Variants in EFCAB13 observed in about 807,000 individuals in gnomAD.
EFCAB13 encodes EF-hand calcium-binding domain-containing protein 13.
In EFCAB13, 91 loss-of-function variants were observed where a neutral mutation model predicts 110.2. The observed-to-expected ratio is 0.83, with a 90% CI of 0.70 to 0.98. EFCAB13 has a LOEUF of 0.98. EFCAB13 is among the 50% of genes least tolerant of loss of function. The probability of loss-of-function intolerance (pLI) is 0.00; values close to 1 mark genes in which losing one functional copy is unlikely to be tolerated. For synonymous variants in EFCAB13, 323 were observed against 369.9 expected, an observed-to-expected ratio of 0.87 and a Z score of 1.45; for missense variants, 968 against 1,119.4, an observed-to-expected ratio of 0.86 and a Z score of 1.93.
intron 23 of EFCAB13, among the ~76,000 whole-genome samples, chr17:47,419,635 T>TG (rs1204776167): frequency 6.6e-6 from 1 of 152,134 alleles, no homozygotes; most frequent in Admixed American, 6.5e-5. Flanking sequence ...CAAAAGATGT[T>TG]TACAAAATTA....
At chr17:47,439,183 T>G (rs201754106) in intron 24 of EFCAB13, among the ~76,000 whole-genome samples, 1 of 128,320 alleles carries the variant, frequency 7.8e-6, no homozygotes, top group Non-Finnish European at 1.7e-5. Flanking sequence ...TTTTTTTTTT[T>G]TTTTTTTTTT....
chr17:47,372,387 T>C (rs1426190871), intron 11 of EFCAB13, among the ~76,000 whole-genome samples: 1 of 152,182 alleles, frequency 6.6e-6, no homozygotes, highest in Non-Finnish European at 1.5e-5. Context: ...TTTATAATTT[T>C]TGATGTCACA....
rs1425652311 is a variant in EFCAB13 at position 47,404,597 on chromosome 17, G to A, written c.2197G>A (p.Ala733Thr). The A allele has an allele frequency of 1.9e-6, 3 of 1,612,732 alleles. No homozygotes were observed. Among genetic ancestry groups the A allele is most frequent in the South Asian group, 1.1e-5 (1 of 90,974 alleles). ...NMVNIKDCMR[A>T]LRDTQKFSNY... ...GGTGAACATTAAAGACTGTATGAGG[G>A]CTTTGAGGGACACCCAGAAATTTTC... The change falls in exon 20 of 25, where the codon GCT (alanine) becomes ACT (threonine). Residue 733 changes from alanine (A) to threonine (T), a missense_variant. Transcript: ENST00000331493.
At chr17:47,426,120 G>A (rs890714800) in intron 23 of EFCAB13, among the ~76,000 whole-genome samples, 8 of 152,150 alleles carry the variant, frequency 5.3e-5, no homozygotes, top group Non-Finnish European at 1.2e-4. Flanking sequence ...GGTAGCCTCA[G>A]GCCAGAAAAA....
chr17:47,373,393 C>T (rs1003930502), intron 11 of EFCAB13, among the ~76,000 whole-genome samples: 1 of 152,102 alleles, frequency 6.6e-6, no homozygotes, highest in African/African-American at 2.4e-5. Context: ...TTTCTCTAGA[C>T]AATTAGTTTG....
chr17:47,420,904 G>A (rs1162010528), intron 23 of EFCAB13, among the ~76,000 whole-genome samples: 3 of 144,662 alleles, frequency 2.1e-5, no homozygotes, highest in Non-Finnish European at 3.1e-5. Flanking sequence ...CCGTCTGGGA[G>A]GTGAGGGGCG....
chr17:47,389,099 CA>C (rs144522822), intron 14 of EFCAB13, among the ~76,000 whole-genome samples: 7,582 of 152,200 alleles, frequency 0.05, 249 homozygotes, highest in East Asian at 0.11. Context: ...ATGGCTGAAT[CA>C]TTGCACACTG....
intron 9 of EFCAB13, among the ~76,000 whole-genome samples, chr17:47,356,339 C>G (rs982390920): frequency 1.3e-5 from 2 of 152,168 alleles, no homozygotes; most frequent in Admixed American, 6.5e-5. Context: ...GAGGGAAGCT[C>G]TGGGACTCAA....
At chr17:47,408,303 G>A (rs2065815709) in intron 20 of EFCAB13, among the ~76,000 whole-genome samples, 1 of 152,172 alleles carries the variant, frequency 6.6e-6, no homozygotes, top group South Asian at 2.1e-4. Flanking sequence ...CTGAGATAGA[G>A]TTTACCCCAT....
chr17:47,361,515 A>C lies in EFCAB13; in HGVS notation c.799A>C (p.Ile267Leu). ...ILEEVTKHTY[I>L]DSNHMVDIGD... ...AGAAGAAGTGACAAAACATACCTAT[A>C]TTGACAGTGAGTTATTTGCATTGAG... The change falls in exon 10 of 25, where the codon ATT (isoleucine) becomes CTT (leucine). Residue 267 changes from isoleucine to leucine, a missense_variant. Transcript: ENST00000331493. 1.3e-6 allele frequency: 2 copies of C among 1,559,574 alleles called. No homozygotes were observed. The highest frequency in any genetic ancestry group is 2.2e-5 in the South Asian group (2 of 89,822).
chr17:47,337,360 C>T (rs2065357251), intron 5 of EFCAB13, among the ~76,000 whole-genome samples: 1 of 152,050 alleles, frequency 6.6e-6, no homozygotes, highest in East Asian at 1.9e-4. Context: ...GACATTGGGA[C>T]TACAAATGTA....
At chr17:47,400,335 T>C (rs1298872703) in intron 17 of EFCAB13, among the ~76,000 whole-genome samples, 6 of 152,226 alleles carry the variant, frequency 3.9e-5, no homozygotes, top group African/African-American at 1.4e-4. Flanking sequence ...TACAAATTCT[T>C]GACAGCAGCT....
chr17:47,342,899 C>T (rs2065393924), intron 6 of EFCAB13, among the ~76,000 whole-genome samples: 1 of 152,146 alleles, frequency 6.6e-6, no homozygotes, highest in South Asian at 2.1e-4. Context: ...ATCTAATCTA[C>T]AGTTTAACCT....
In EFCAB13 at chr17:47,412,808, G is replaced by A. The variant is rs970383129; in HGVS notation, c.2314G>A (p.Asp772Asn). 4.3e-6 allele frequency: 7 copies of A among 1,613,454 alleles called. No individual in the cohort carries two copies. The highest frequency in any genetic ancestry group is 2.2e-5 in the East Asian group (1 of 44,838). ...AGCTGCTAACATCTTGTCACATGTC[G>A]ATAATGGCAAGATTGGTATACCTGA... ...KEAANILSHVDNGKIGIPDLE... is the reference protein window; with the variant it reads ...KEAANILSHVNNGKIGIPDLE... The change falls in exon 22 of 25, where the codon GAT (aspartate) becomes AAT (asparagine). Residue 772 changes from aspartate to asparagine, a missense_variant. By Grantham distance (23) the Asp-to-Asn change is conservative (BLOSUM62 1). Transcript: ENST00000331493.
intron 23 of EFCAB13, among the ~76,000 whole-genome samples, chr17:47,420,281 T>C (rs1489791523): frequency 6.6e-6 from 1 of 152,186 alleles, no homozygotes. Context: ...TGCAGTGGCG[T>C]GATCTCGGCT....
intron 8 of EFCAB13, 89 bp downstream of exon 8, chr17:47,345,187 C>A: frequency 1.2e-6 from 1 of 855,914 alleles, no homozygotes; most frequent in Non-Finnish European, 1.8e-6. Flanking sequence ...TCTTCATCTA[C>A]TCCTAATGGC....
At chr17:47,367,593 G>C (rs149838814) in intron 10 of EFCAB13, among the ~76,000 whole-genome samples, 41 of 152,304 alleles carry the variant, frequency 2.7e-4, no homozygotes, top group African/African-American at 9.4e-4. Context: ...GGCTATCAGA[G>C]CATTATGAAC....
intron 10 of EFCAB13, among the ~76,000 whole-genome samples, chr17:47,366,240 T>A (rs2143332593): frequency 6.6e-6 from 1 of 152,130 alleles, no homozygotes; most frequent in East Asian, 1.9e-4. Context: ...AGAAGTGCCA[T>A]ATGGAAAATC....
intron 20 of EFCAB13, among the ~76,000 whole-genome samples, chr17:47,408,395 A>G (rs1032578542): frequency 1.6e-4 from 25 of 152,142 alleles, no homozygotes; most frequent in Middle Eastern, 6.8e-3. Context: ...TCATACCTAT[A>G]CTCTTAGCAC....
Sources: gnomAD v4.1 joint callset for allele counts (sites outside exome capture counted in the v4.1 genomes callset) on GRCh38, gnomAD v4.1.1 for gene constraint, MANE v1.5 for transcripts, NCBI Gene and HGNC (gene_info 2026-07-23, HGNC 2026-07-21) for gene names.